SPEF2: variants seen among roughly 807,000 people sequenced by gnomAD.
The protein encoded by SPEF2 is sperm flagellar and cilia associated 2.
SPEF2 carries 187 observed loss-of-function variants against 224.6 expected under a neutral mutation model. The ratio of observed to expected loss-of-function variants is 0.83; its 90% CI spans 0.74 to 0.94. The LOEUF is 0.94. Ranked by LOEUF, SPEF2 falls within the 40% of genes least tolerant of loss-of-function variation. The probability of loss-of-function intolerance (pLI) is 0.00; values close to 1 mark genes in which losing one functional copy is unlikely to be tolerated. For synonymous variants in SPEF2, 715 were observed against 707.3 expected, an observed-to-expected ratio of 1.01 and a Z score of -0.17; for missense variants, 2,170 against 2,135.6, an observed-to-expected ratio of 1.02 and a Z score of -0.32.
chr5:35,643,394 G>A, intron 3 of SPEF2: 2 of 426,844 alleles, frequency 4.7e-6, no homozygotes, highest in Non-Finnish European at 9.4e-6. Flanking sequence ...CTTTGGAGAT[G>A]AGGAAGAGGG....
At chr5:35,800,527 A>G (rs1256954383) in intron 34 of SPEF2, among the ~76,000 whole-genome samples, 1 of 152,210 alleles carries the variant, frequency 6.6e-6, no homozygotes, top group Non-Finnish European at 1.5e-5. Flanking sequence ...GTCTACATGC[A>G]CACCACATAT....
Position 35,685,262 on chromosome 5 carries a change from A to G in SPEF2, c.1525-5775A>G, listed in dbSNP as rs996137067. On this transcript the variant is annotated intron_variant, in intron 10 of 36. Transcript: ENST00000356031. The stretch of plus-strand genomic sequence containing the variant: ...CACCAATTTTAAAGAAAAACTTACT[A>G]TGAGTACTTTGGGGTTTTAAAAATT... Among the ~76,000 whole-genome samples the G allele has an allele frequency of 9.2e-5, 14 of 152,274 alleles. 1 individual carries two copies. The highest frequency in any genetic ancestry group is 1.9e-4 in the African/African-American group (8 of 41,566).
chr5:35,681,376 A>G (rs1561187482), intron 10 of SPEF2, among the ~76,000 whole-genome samples: 1 of 152,318 alleles, frequency 6.6e-6, no homozygotes, highest in East Asian at 1.9e-4. Context: ...TACTTTAAAA[A>G]TATACTTTGA....
In SPEF2 at chr5:35,779,596, T is replaced by A. The variant is rs73086302; in HGVS notation, c.4447+250T>A. ...TCCTGGTAATTCCTCTCTCCTGTCC[T>A]CCCCGACCCTTGCTGACAAGTTTGT... On this transcript the variant is annotated intron_variant, in intron 30 of 36. Coordinates refer to ENST00000356031, the MANE Select transcript of SPEF2 (RefSeq NM_024867.4). Among the ~76,000 whole-genome samples, 708 of 152,292 alleles carry A rather than the reference T, an allele frequency of 4.6e-3. 6 individuals are homozygous for A. Among genetic ancestry groups the A allele is most frequent in the African/African-American group, 0.016 (662 of 41,562 alleles).
chr5:35,624,945 A>C (rs1580005832), intron 1 of SPEF2, among the ~76,000 whole-genome samples: 1 of 152,048 alleles, frequency 6.6e-6, no homozygotes, highest in East Asian at 1.9e-4. Context: ...CTGTCTTCTT[A>C]TTTTATACGT....
intron 25 of SPEF2, among the ~76,000 whole-genome samples, chr5:35,762,240 C>A (rs1751388015): frequency 6.6e-6 from 1 of 152,162 alleles, no homozygotes; most frequent in African/African-American, 2.4e-5. Context: ...CATCAGAGTT[C>A]TTTCCAGTAA....
chr5:35,683,347 G>A (rs557929590), intron 10 of SPEF2, among the ~76,000 whole-genome samples: 4 of 152,284 alleles, frequency 2.6e-5, no homozygotes, highest in South Asian at 4.1e-4. Flanking sequence ...CTAGTGGGCC[G>A]GGTGCTGTGG....
At chr5:35,683,667 G>A (rs974361749) in intron 10 of SPEF2, among the ~76,000 whole-genome samples, 2 of 152,188 alleles carry the variant, frequency 1.3e-5, no homozygotes, top group Non-Finnish European at 2.9e-5. Context: ...TGAACAGGTT[G>A]TGACTTTTGA....
intron 8 of SPEF2, 99 bp downstream of exon 8, chr5:35,659,306 T>C: frequency 1.6e-6 from 2 of 1,216,420 alleles, no homozygotes; most frequent in Non-Finnish European, 2.2e-6. Flanking sequence ...AATCATCTAA[T>C]AAGATTTTCT....
chr5:35,714,170 T>C (rs561973518), intron 20 of SPEF2, among the ~76,000 whole-genome samples: 1 of 150,200 alleles, frequency 6.7e-6, no homozygotes, highest in South Asian at 2.1e-4. Flanking sequence ...TTTTAATGGT[T>C]TTACTTTGTT....
At chr5:35,624,124 TG>T (rs1395775422) in intron 1 of SPEF2, among the ~76,000 whole-genome samples, 2 of 152,284 alleles carry the variant, frequency 1.3e-5, no homozygotes, top group East Asian at 3.9e-4. Flanking sequence ...GCCATTTTGA[TG>T]GAAAGGCACA....
intron 32 of SPEF2, 41 bp downstream of exon 32, chr5:35,793,382 C>A: frequency 6.3e-7 from 1 of 1,577,816 alleles, no homozygotes; most frequent in South Asian, 1.2e-5. Context: ...CACCAGAACA[C>A]TTGTGACCTA....
At chr5:35,634,997 C>T (rs557163343) in intron 2 of SPEF2, among the ~76,000 whole-genome samples, 17 of 152,010 alleles carry the variant, frequency 1.1e-4, no homozygotes, top group Non-Finnish European at 2.2e-4. Context: ...TTCTTATTTT[C>T]GATGATCTTG....
chr5:35,790,596 C>T lies in SPEF2; in HGVS notation c.4448-1744C>T, dbSNP rs78336696. ...AACTTCACTTATGTATTCCTGTGTTCTTTCACACTCTTTTGGTGGAGCTGT... is the reference window on the plus strand; with the variant it reads ...AACTTCACTTATGTATTCCTGTGTTTTTTCACACTCTTTTGGTGGAGCTGT... On this transcript the variant is annotated intron_variant, in intron 30 of 36. Transcript: ENST00000356031. The T allele has an allele frequency of 3.0e-5, 10 of 338,772 alleles. No homozygotes were observed. In the Admixed American group the frequency reaches 4.7e-4, roughly 16 times the overall value. The allele number at this position is 338,772 out of a possible 1,614,324, so 21.0% of individuals were successfully genotyped here. A position where few individuals can be genotyped will look rare whatever the true frequency, so the allele number is the denominator to read the frequency against.
rs146830876 is a variant in SPEF2, at chr5:35,718,636, C to G, written c.2914+5750C>G. On this transcript the variant is annotated intron_variant, in intron 20 of 36. Coordinates refer to ENST00000356031, the MANE Select transcript of SPEF2 (RefSeq NM_024867.4). Reference sequence around the variant, plus strand: ...GCCTAGAGAATAGGAATTATCTCCTCTTACCCATGTATGCCTTATCTCCCC... The same window carrying G: ...GCCTAGAGAATAGGAATTATCTCCTGTTACCCATGTATGCCTTATCTCCCC... Among the ~76,000 whole-genome samples, 824 of 152,272 alleles carry G rather than the reference C, an allele frequency of 5.4e-3. 1 individual carries two copies. The highest frequency in any genetic ancestry group is 8.9e-3 in the Non-Finnish European group (607 of 68,032).
intron 21 of SPEF2, among the ~76,000 whole-genome samples, chr5:35,739,625 C>T (rs1747241620): frequency 6.6e-6 from 1 of 152,092 alleles, no homozygotes; most frequent in Admixed American, 6.5e-5. Flanking sequence ...AGGTGATCTG[C>T]CCACCTTGGC....
chr5:35,648,372 T>G (rs1747703947), intron 5 of SPEF2, among the ~76,000 whole-genome samples: 1 of 152,028 alleles, frequency 6.6e-6, no homozygotes, highest in Non-Finnish European at 1.5e-5. Context: ...AAGTTTTTTT[T>G]TTGTTTTTTT....
chr5:35,661,765 T>C (rs1273810527), intron 8 of SPEF2, among the ~76,000 whole-genome samples: 1 of 152,214 alleles, frequency 6.6e-6, no homozygotes, highest in Non-Finnish European at 1.5e-5. Context: ...CTCATTGCTT[T>C]TTATGGCTGC....
At chr5:35,620,221 G>C (rs73078240) in intron 1 of SPEF2, among the ~76,000 whole-genome samples, 3,085 of 152,200 alleles carry the variant, frequency 0.02, 105 homozygotes, top group African/African-American at 0.071. Flanking sequence ...ATAAACTGTT[G>C]TGTGGTGCAC....
Sources: gnomAD v4.1 joint callset for allele counts (sites outside exome capture counted in the v4.1 genomes callset) on GRCh38, gnomAD v4.1.1 for gene constraint, MANE v1.5 for transcripts, NCBI Gene and HGNC (gene_info 2026-07-23, HGNC 2026-07-21) for gene names.